Variants in STAG1 observed in about 807,000 individuals in gnomAD.
STAG1 encodes cohesin subunit SA-1.
STAG1 carries 26 observed loss-of-function variants against 170.9 expected under a neutral mutation model. That is an observed-to-expected ratio of 0.15 (90% CI 0.11 to 0.21). The LOEUF is 0.21. STAG1 is among the 10% of genes least tolerant of loss of function. STAG1 has a pLI of 1.00. For synonymous variants in STAG1, 514 were observed against 497.7 expected (o/e 1.03, Z -0.44); for missense variants, 964 against 1,509.5 (o/e 0.64, Z 5.99).
chr3:136,610,037 C>CT (rs1027133981), intron 3 of STAG1, among the ~76,000 whole-genome samples: 7 of 151,626 alleles, frequency 4.6e-5, no homozygotes, highest in African/African-American at 1.7e-4. Flanking sequence ...GCAGAATTTT[C>CT]TTTTTTTTCT....
At chr3:136,509,755 G>A (rs1197060898) in intron 7 of STAG1, among the ~76,000 whole-genome samples, 2 of 152,168 alleles carry the variant, frequency 1.3e-5, no homozygotes, top group Non-Finnish European at 2.9e-5. Flanking sequence ...GAAGTCGAAG[G>A]ACACTGACCC....
chr3:136,600,872 T>C (rs1251946807), intron 4 of STAG1, among the ~76,000 whole-genome samples: 1 of 1,230 alleles, frequency 8.1e-4, no homozygotes, highest in East Asian at 0.033. Flanking sequence ...GTTTGTTTGT[T>C]TTGTTTTGTT....
intron 6 of STAG1, among the ~76,000 whole-genome samples, chr3:136,525,170 G>C (rs901679108): frequency 3.3e-5 from 5 of 152,164 alleles, no homozygotes; most frequent in African/African-American, 2.4e-5. Context: ...AGAAGGAATG[G>C]TACCAGCTCC....
At chr3:136,494,871 A>G (rs1317089226) in intron 9 of STAG1, among the ~76,000 whole-genome samples, 4 of 152,222 alleles carry the variant, frequency 2.6e-5, no homozygotes, top group Non-Finnish European at 5.9e-5. Context: ...AATAAATTCT[A>G]TATTGTTAAG....
chr3:136,574,554 G>C (rs1220474192), intron 4 of STAG1, among the ~76,000 whole-genome samples: 1 of 152,000 alleles, frequency 6.6e-6, no homozygotes, highest in Non-Finnish European at 1.5e-5. Context: ...TCATGTCAAA[G>C]TAGAAATCAA....
At chr3:136,726,308 T>C (rs1309490214) in intron 1 of STAG1, among the ~76,000 whole-genome samples, 1 of 152,246 alleles carries the variant, frequency 6.6e-6, no homozygotes, top group Non-Finnish European at 1.5e-5. Flanking sequence ...CCTAGGTTTC[T>C]ATCCACTGAT....
At chr3:136,403,127 C>G (rs1255950735) in intron 21 of STAG1, among the ~76,000 whole-genome samples, 1 of 144,662 alleles carries the variant, frequency 6.9e-6, no homozygotes, top group Non-Finnish European at 1.5e-5. Context: ...ACTAAGGAGG[C>G]TGAGGCAGGA....
intron 4 of STAG1, among the ~76,000 whole-genome samples, chr3:136,599,232 A>C (rs186730091): frequency 4.5e-4 from 68 of 152,248 alleles, no homozygotes; most frequent in Non-Finnish European, 3.4e-4. Flanking sequence ...TGCAGCCATT[A>C]AAAGGAAAGA....
chr3:136,504,517 G>A (rs1279342125), intron 7 of STAG1, among the ~76,000 whole-genome samples: 1 of 152,144 alleles, frequency 6.6e-6, no homozygotes, highest in Non-Finnish European at 1.5e-5. Flanking sequence ...CACTATGAAA[G>A]TTTAAAATAA....
chr3:136,386,505 A>C (rs1017725221), intron 22 of STAG1, among the ~76,000 whole-genome samples: 6 of 152,198 alleles, frequency 3.9e-5, no homozygotes, highest in Admixed American at 3.3e-4. Flanking sequence ...TCTTAGGAAG[A>C]AAAAAGATCT....
intron 1 of STAG1, among the ~76,000 whole-genome samples, chr3:136,690,578 C>T (rs985106135): frequency 6.6e-6 from 1 of 152,114 alleles, no homozygotes; most frequent in Non-Finnish European, 1.5e-5. Context: ...TCATGAGCAA[C>T]CCCAAAGGCA....
intron 1 of STAG1, among the ~76,000 whole-genome samples, chr3:136,677,864 C>T (rs1020938764): frequency 4.0e-5 from 6 of 148,336 alleles, no homozygotes; most frequent in Admixed American, 1.4e-4. Context: ...ATACTCTCAA[C>T]ATCAGATCAT....
chr3:136,604,086 C>T (rs538832379), intron 4 of STAG1, among the ~76,000 whole-genome samples: 1 of 152,036 alleles, frequency 6.6e-6, no homozygotes, highest in African/African-American at 2.4e-5. Context: ...TTCTAGTAGA[C>T]CTTTTTACTT....
chr3:136,606,773 C>T (rs1286810019), intron 3 of STAG1, among the ~76,000 whole-genome samples: 9 of 114,012 alleles, frequency 7.9e-5, no homozygotes, highest in African/African-American at 1.9e-4. Context: ...TTTTTGGGGA[C>T]GAAGTTAACT....
At chr3:136,405,854 T>C (rs913442785) in intron 21 of STAG1, among the ~76,000 whole-genome samples, 2 of 127,426 alleles carry the variant, frequency 1.6e-5, no homozygotes, top group African/African-American at 3.0e-5. Context: ...GAGATACCAC[T>C]ATATACTTAG....
At chr3:136,710,243 C>T (rs1943347107) in intron 1 of STAG1, among the ~76,000 whole-genome samples, 1 of 152,090 alleles carries the variant, frequency 6.6e-6, no homozygotes, top group Non-Finnish European at 1.5e-5. Context: ...AACACAATTC[C>T]AACATTAAGT....
At chr3:136,723,788 G>C (rs1436871361) in intron 1 of STAG1, among the ~76,000 whole-genome samples, 1 of 145,280 alleles carries the variant, frequency 6.9e-6, no homozygotes, top group Non-Finnish European at 1.5e-5. Flanking sequence ...GAGGTGGGGG[G>C]GTCAGCCCCC....
intron 22 of STAG1, among the ~76,000 whole-genome samples, chr3:136,392,150 T>C (rs112473875): frequency 6.8e-4 from 103 of 152,290 alleles, no homozygotes; most frequent in African/African-American, 2.4e-3. Flanking sequence ...GTATATACAA[T>C]CATTGACCTA....
chr3:136,705,378 AAC>A (rs3066789), intron 1 of STAG1, among the ~76,000 whole-genome samples: 19,649 of 142,850 alleles, frequency 0.14, 1,788 homozygotes, highest in East Asian at 0.39. Flanking sequence ...ATGATCATCA[AAC>A]ACACACACAC....
Sources: allele counts gnomAD v4.1 joint callset (sites outside exome capture counted in the v4.1 genomes callset), GRCh38; gene constraint gnomAD v4.1.1; transcripts MANE v1.5; gene names NCBI Gene and HGNC (gene_info 2026-07-23, HGNC 2026-07-21).